The following LAMA3 variants were observed in gnomAD, a reference collection of about 807,000 sequenced individuals.
The protein encoded by LAMA3 is laminin subunit alpha 3.
LAMA3 carries 281 observed loss-of-function variants against 402.0 expected under a neutral mutation model. The observed-to-expected ratio is 0.70, with a 90% CI of 0.63 to 0.77. The LOEUF (loss-of-function observed/expected upper bound fraction) is 0.77. LAMA3 is among the 30% of genes least tolerant of loss of function. The pLI, the probability that LAMA3 is intolerant of heterozygous loss-of-function variation, is 0.00. For synonymous variants in LAMA3, 1,431 were observed against 1,558.4 expected (o/e 0.92, Z 1.93); for missense variants, 3,840 against 4,215.5 (o/e 0.91, Z 2.47).
At chr18:23,792,758 T>A (rs893825463) in intron 12 of LAMA3, among the ~76,000 whole-genome samples, 6 of 152,166 alleles carry the variant, frequency 3.9e-5, no homozygotes, top group African/African-American at 1.4e-4. Flanking sequence ...CTTAGTGTAC[T>A]GGGGCAAGGG....
intron 62 of LAMA3, among the ~76,000 whole-genome samples, chr18:23,924,427 C>T (rs1035388906): frequency 6.6e-6 from 1 of 152,108 alleles, no homozygotes; most frequent in Non-Finnish European, 1.5e-5. Flanking sequence ...GCTGTGATTA[C>T]AGGCATGAGC....
chr18:23,826,656 G>A, intron 21 of LAMA3, 46 bp from the exon 22 acceptor site: 2 of 1,310,522 alleles, frequency 1.5e-6, no homozygotes, highest in Non-Finnish European at 1.1e-6. Flanking sequence ...CCAAAGTAGG[G>A]CTACCATCAA....
In LAMA3 at chr18:23,836,978, C is replaced by A; in HGVS notation, c.2985-3C>A. 6.2e-7 allele frequency: 1 copy of A among 1,610,670 alleles called. No individual in the cohort carries two copies. The highest frequency in any genetic ancestry group is 8.5e-7 in the Non-Finnish European group (1 of 1,177,324). On this transcript the variant is annotated splice_polypyrimidine_tract_variant and splice_region_variant and intron_variant, in intron 24 of 74. Transcript: ENST00000313654. ...GCTAAGAAAACTCTGTTTTCTCTTG[C>A]AGTGTTCTCTGCCGGAGTGCTGTGA...
chr18:23,914,292 C>A, intron 56 of LAMA3, 118 bp from the exon 57 acceptor site: 2 of 985,708 alleles, frequency 2.0e-6, no homozygotes, highest in Non-Finnish European at 3.2e-6. Context: ...TTTATTCTGT[C>A]TCTCCAAGGC....
intron 8 of LAMA3, among the ~76,000 whole-genome samples, chr18:23,765,553 A>G (rs2062058442): frequency 1.3e-5 from 2 of 152,168 alleles, no homozygotes. Context: ...CTAGGCTACA[A>G]CCCTAGATTT....
chr18:23,842,724 G>C lies in LAMA3; in HGVS notation c.3577G>C (p.Val1193Leu), dbSNP rs376027899. 28 of 1,614,222 alleles carry C rather than the reference G, an allele frequency of 1.7e-5. No homozygotes were observed. The highest frequency in any genetic ancestry group is 2.1e-5 in the Non-Finnish European group (25 of 1,180,042). ...SEPEVAATVK[V>L]PEGKSLVLVR... ...GCCTGAAGTGGCCGCAACTGTGAAG[G>C]TTCCAGAAGGAAAGTCCTTGGTTTT... is the stretch of plus-strand genomic sequence containing the variant. The change falls in exon 29 of 75, where the codon GTT becomes CTT. Residue 1193 changes from valine to leucine, a missense_variant. By Grantham distance (32) the Val-to-Leu change is conservative (BLOSUM62 1). Coordinates refer to ENST00000313654, the MANE Select transcript of LAMA3 (RefSeq NM_198129.4).
At chr18:23,811,863 T>C (rs1024610073) in intron 13 of LAMA3, among the ~76,000 whole-genome samples, 2 of 151,668 alleles carry the variant, frequency 1.3e-5, no homozygotes, top group African/African-American at 4.9e-5. Context: ...GAATTTTTAT[T>C]TATTTTTGAT....
intron 2 of LAMA3, among the ~76,000 whole-genome samples, chr18:23,733,140 G>A (rs927788199): frequency 6.6e-6 from 1 of 152,050 alleles, no homozygotes. Flanking sequence ...GGGCAGCTTT[G>A]GCTTCTGGGG....
At chr18:23,722,910 G>C (rs909227957) in intron 2 of LAMA3, among the ~76,000 whole-genome samples, 1 of 152,166 alleles carries the variant, frequency 6.6e-6, no homozygotes, top group Non-Finnish European at 1.5e-5. Context: ...TTGTAAAGTC[G>C]TCAGAGGGAT....
chr18:23,797,016 G>C (rs2062775908), intron 12 of LAMA3, among the ~76,000 whole-genome samples: 1 of 152,184 alleles, frequency 6.6e-6, no homozygotes, highest in African/African-American at 2.4e-5. Flanking sequence ...GTCAGCCTCT[G>C]CTGGATTCTC....
intron 11 of LAMA3, among the ~76,000 whole-genome samples, chr18:23,782,795 CTTTT>C (rs11446507): frequency 7.4e-6 from 1 of 136,052 alleles, no homozygotes; most frequent in African/African-American, 2.7e-5. Flanking sequence ...TTCTGAGCAT[CTTTT>C]TTTTTTTTTT....
At position 23,879,412 on chromosome 18, in the gene LAMA3, G is replaced by C. The variant is rs1270283669; in HGVS notation, c.5113-2524G>C. ...CTCAGTGAATCCCTGTCCTTCTGCG[G>C]CCCTCGCAGGCAGCCCCTCCTCCTG... On this transcript the variant is annotated intron_variant, in intron 39 of 74. Coordinates refer to ENST00000313654, the MANE Select transcript of LAMA3 (RefSeq NM_198129.4). The surrounding 1 kb of genome is among the most constrained non-coding windows in gnomAD (Gnocchi z 4.2). Among the ~76,000 whole-genome samples, 1 of 152,186 alleles carries C rather than the reference G, an allele frequency of 6.6e-6. No homozygotes were observed. Among genetic ancestry groups the C allele is most frequent in the African/African-American group, 2.4e-5 (1 of 41,442 alleles).
intron 19 of LAMA3, among the ~76,000 whole-genome samples, chr18:23,821,947 G>A (rs191055399): frequency 6.6e-6 from 1 of 152,248 alleles, no homozygotes; most frequent in African/African-American, 2.4e-5. Flanking sequence ...TCTTAAACTA[G>A]CCCATCTAAT....
At position 23,814,502 on chromosome 18, in the gene LAMA3, G is replaced by C. The variant is rs774904320; in HGVS notation, c.1888G>C (p.Glu630Gln). 1.9e-6 allele frequency: 3 copies of C among 1,599,164 alleles called. No individual in the cohort carries two copies. The East Asian group carries it at 6.7e-5, about 36-fold the overall frequency. Residue 630 changes from glutamate to glutamine, a missense_variant and splice_region_variant, in exon 15 of 75, where the codon GAA (glutamate) becomes CAA (glutamine). Physicochemically the swap from Glu to Gln is conservative, Grantham distance 29. Transcript: ENST00000313654. Reference protein sequence around the residue: ...LDKENPSGCSECKCHKAGTVS... With the variant: ...LDKENPSGCSQCKCHKAGTVS... Reference sequence around the variant, plus strand: ...CAAAGAAAACCCCAGTGGATGTTCAGGTAGGTTTCTTATATGTCATAATTT... The same window carrying C: ...CAAAGAAAACCCCAGTGGATGTTCACGTAGGTTTCTTATATGTCATAATTT...
chr18:23,878,543 A>C (rs2064797790), intron 39 of LAMA3, among the ~76,000 whole-genome samples: 1 of 152,224 alleles, frequency 6.6e-6, no homozygotes. Context: ...GCACTCAGCT[A>C]ACGGCTCCGT....
At chr18:23,719,503 A>G (rs1394805331) in intron 2 of LAMA3, among the ~76,000 whole-genome samples, 2 of 152,200 alleles carry the variant, frequency 1.3e-5, no homozygotes, top group Non-Finnish European at 2.9e-5. Flanking sequence ...ACTGCATTAT[A>G]AATTTTAAGG....
At chr18:23,944,078 G>T in intron 69 of LAMA3, 107 bp downstream of exon 69, 2 of 1,122,136 alleles carry the variant, frequency 1.8e-6, no homozygotes, top group Non-Finnish European at 2.6e-6. Flanking sequence ...GGCGTGGAGT[G>T]GGAGAGCTTG....
intron 40 of LAMA3, among the ~76,000 whole-genome samples, chr18:23,883,304 C>A (rs73967619): frequency 0.023 from 3,564 of 152,270 alleles, 141 homozygotes; most frequent in African/African-American, 0.082. Context: ...AGGTAGGAAT[C>A]CACCACTGTG....
At chr18:23,890,940 T>C (rs1293411346) in intron 42 of LAMA3, among the ~76,000 whole-genome samples, 1 of 152,206 alleles carries the variant, frequency 6.6e-6, no homozygotes, top group East Asian at 1.9e-4. Context: ...ATTTATCAGA[T>C]GACACAAAGT....
Sources: allele counts gnomAD v4.1 joint callset (sites outside exome capture counted in the v4.1 genomes callset), GRCh38; gene constraint gnomAD v4.1.1; non-coding constraint Gnocchi (gnomAD v3.1); transcripts MANE v1.5; gene names NCBI Gene and HGNC (gene_info 2026-07-23, HGNC 2026-07-21).